Variants in FOXO1 observed in about 807,000 individuals in gnomAD.
The protein encoded by FOXO1 is forkhead box O1.
In FOXO1, 6 loss-of-function variants were observed where a neutral mutation model predicts 44.1. That is an observed-to-expected ratio of 0.14 (90% confidence interval 0.07 to 0.27). FOXO1 has a LOEUF of 0.27. Among genes scored for constraint, FOXO1 ranks in the 10% least tolerant of loss-of-function variants. FOXO1 has a pLI of 1.00. For synonymous variants in FOXO1, 380 were observed against 362.7 expected (o/e 1.05, Z -0.54); for missense variants, 737 against 888.8 (o/e 0.83, Z 2.17).
rs539136949 is a variant in FOXO1 at position 40,557,900 on chromosome 13, A to T, written c.*1149T>A. 6.6e-6 allele frequency: 1 copy of T among 152,384 alleles called. No individual in the cohort carries two copies. The highest frequency in any genetic ancestry group is 2.1e-4 in the South Asian group (1 of 4,832). 9.4% of individuals were successfully genotyped at this position (152,384 alleles called of 1,614,324 possible). A position where few individuals can be genotyped will look rare whatever the true frequency, so the allele number is the denominator to read the frequency against. ...AGACTTGATGCTATGCAGTACGCAT[A>T]GTTCAGTAGAAGCAGATGAAATTTC... is the stretch of plus-strand genomic sequence containing the variant. On this transcript the variant is annotated 3_prime_UTR_variant, in exon 3 of 3. Coordinates refer to ENST00000379561, the MANE Select transcript of FOXO1 (RefSeq NM_002015.4).
intron 1 of FOXO1, among the ~76,000 whole-genome samples, chr13:40,652,143 AG>A (rs1877706188): frequency 6.6e-6 from 1 of 152,156 alleles, no homozygotes; most frequent in Admixed American, 6.5e-5. Context: ...CTCCCCGTTT[AG>A]GAGGTAGCCC....
intron 1 of FOXO1, among the ~76,000 whole-genome samples, chr13:40,628,068 TAAAG>T (rs1204662974): frequency 6.6e-6 from 1 of 152,086 alleles, no homozygotes; most frequent in Non-Finnish European, 1.5e-5. Flanking sequence ...TATACATACA[TAAAG>T]GATGCAAGCA....
At chr13:40,563,500 G>A (rs1874126776) in intron 1 of FOXO1, among the ~76,000 whole-genome samples, 1 of 152,146 alleles carries the variant, frequency 6.6e-6, no homozygotes, top group African/African-American at 2.4e-5. Flanking sequence ...AGTGAAGTGT[G>A]AGAGCGGGGA....
At chr13:40,573,830 GA>G (rs1447328930) in intron 1 of FOXO1, among the ~76,000 whole-genome samples, 2 of 152,208 alleles carry the variant, frequency 1.3e-5, no homozygotes, top group Non-Finnish European at 2.9e-5. Flanking sequence ...GTTTGAGGAT[GA>G]AAACACAAAG....
At chr13:40,647,308 C>A (rs1197244165) in intron 1 of FOXO1, among the ~76,000 whole-genome samples, 1 of 152,178 alleles carries the variant, frequency 6.6e-6, no homozygotes, top group Non-Finnish European at 1.5e-5. Flanking sequence ...AATCATGCAA[C>A]CTGCATTACA....
intron 1 of FOXO1, among the ~76,000 whole-genome samples, chr13:40,597,055 A>G (rs1192847836): frequency 2.6e-5 from 4 of 152,238 alleles, no homozygotes; most frequent in Non-Finnish European, 2.9e-5. Flanking sequence ...CTCCCCAAGC[A>G]TGGTCTAATA....
chr13:40,575,807 A>G (rs180971834), intron 1 of FOXO1, among the ~76,000 whole-genome samples: 1 of 152,214 alleles, frequency 6.6e-6, no homozygotes, highest in Non-Finnish European at 1.5e-5. Context: ...AGAAACGTTA[A>G]GGTGCAGCAC....
intron 1 of FOXO1, among the ~76,000 whole-genome samples, chr13:40,664,897 G>A (rs959092581): frequency 3.3e-5 from 5 of 151,920 alleles, no homozygotes; most frequent in Non-Finnish European, 7.4e-5. Flanking sequence ...GCCAGGCGCC[G>A]GCGCTCCGCA....
chr13:40,583,621 T>C (rs538697893), intron 1 of FOXO1, among the ~76,000 whole-genome samples: 1 of 152,316 alleles, frequency 6.6e-6, no homozygotes, highest in African/African-American at 2.4e-5. Flanking sequence ...CCTCTGCTAG[T>C]TTCAAACTTT....
intron 1 of FOXO1, among the ~76,000 whole-genome samples, chr13:40,626,704 T>C (rs1006540789): frequency 1.7e-4 from 26 of 152,182 alleles, no homozygotes; most frequent in African/African-American, 6.3e-4. Flanking sequence ...TGGGGAAAGA[T>C]GCCTAGTTTC....
chr13:40,572,991 G>A (rs1030968856), intron 1 of FOXO1, among the ~76,000 whole-genome samples: 3 of 152,206 alleles, frequency 2.0e-5, no homozygotes, highest in African/African-American at 4.8e-5. Flanking sequence ...CAGTAATGCT[G>A]CTTTCATTAA....
intron 1 of FOXO1, among the ~76,000 whole-genome samples, chr13:40,599,732 T>C (rs546250230): frequency 6.6e-6 from 1 of 152,164 alleles, no homozygotes; most frequent in South Asian, 2.1e-4. Flanking sequence ...GGAGGGGTGG[T>C]AGAGGAATCT....
intron 1 of FOXO1, among the ~76,000 whole-genome samples, chr13:40,597,405 T>C (rs971255662): frequency 2.0e-5 from 3 of 152,178 alleles, no homozygotes; most frequent in Non-Finnish European, 2.9e-5. Flanking sequence ...ACATCTTTAT[T>C]ATCAGAATCA....
intron 1 of FOXO1, among the ~76,000 whole-genome samples, chr13:40,573,280 G>C (rs1332510943): frequency 6.6e-6 from 1 of 152,178 alleles, no homozygotes; most frequent in Non-Finnish European, 1.5e-5. Context: ...ATCTGTGTCA[G>C]AGGTGCCCAC....
intron 1 of FOXO1, among the ~76,000 whole-genome samples, chr13:40,578,915 G>T (rs1874862019): frequency 6.6e-6 from 1 of 152,180 alleles, no homozygotes; most frequent in Admixed American, 6.5e-5. Flanking sequence ...CTTCTTGACA[G>T]ACTATACCAT....
chr13:40,572,255 A>C (rs1213888535), intron 1 of FOXO1, among the ~76,000 whole-genome samples: 2 of 152,186 alleles, frequency 1.3e-5, no homozygotes, highest in Admixed American at 1.3e-4. Context: ...TATCTGGAAA[A>C]TCTAGGGAAG....
At chr13:40,654,532 A>G (rs1877797935) in intron 1 of FOXO1, among the ~76,000 whole-genome samples, 1 of 151,410 alleles carries the variant, frequency 6.6e-6, no homozygotes, top group Non-Finnish European at 1.5e-5. Flanking sequence ...AAAGAAAAAG[A>G]CAAACATCAT....
At chr13:40,617,251 G>A (rs1035625142) in intron 1 of FOXO1, among the ~76,000 whole-genome samples, 5 of 152,132 alleles carry the variant, frequency 3.3e-5, no homozygotes, top group Admixed American at 6.5e-5. Context: ...TTCGAGACCA[G>A]CCTGACCAAC....
chr13:40,649,186 C>T (rs1458728811), intron 1 of FOXO1, among the ~76,000 whole-genome samples: 1 of 152,224 alleles, frequency 6.6e-6, no homozygotes, highest in Non-Finnish European at 1.5e-5. Flanking sequence ...GGGTTGTCTT[C>T]ATTTCAAATC....
Sources: gnomAD v4.1 joint callset for allele counts (sites outside exome capture counted in the v4.1 genomes callset) on GRCh38, gnomAD v4.1.1 for gene constraint, MANE v1.5 for transcripts, NCBI Gene and HGNC (gene_info 2026-07-23, HGNC 2026-07-21) for gene names.